Variants in SYT1 observed in about 807,000 individuals in gnomAD.
The protein encoded by SYT1 is synaptotagmin-1.
Under a neutral mutation model 44.8 loss-of-function variants are expected in SYT1, and 8 were observed. The observed-to-expected ratio is 0.18, with a 90% CI of 0.10 to 0.32. SYT1 has a LOEUF of 0.32. SYT1 is among the 10% of genes least tolerant of loss of function. The pLI, the probability that SYT1 is intolerant of heterozygous loss-of-function variation, is 1.00. For missense variants in SYT1, 286 were observed against 509.3 expected (o/e 0.56, Z 4.22); for synonymous variants, 154 against 188.8 (o/e 0.82, Z 1.51).
At chr12:79,275,070 A>T (rs190179303) in intron 4 of SYT1, among the ~76,000 whole-genome samples, 35 of 152,220 alleles carry the variant, frequency 2.3e-4, no homozygotes, top group African/African-American at 7.5e-4. Flanking sequence ...TTCTGACCCT[A>T]AGGGACTGCC....
At chr12:79,063,416 A>G (rs1386525512) in intron 3 of SYT1, among the ~76,000 whole-genome samples, 1 of 152,148 alleles carries the variant, frequency 6.6e-6, no homozygotes, top group Admixed American at 6.6e-5. Context: ...CCTGAAAACT[A>G]TGTAGGAAAT....
chr12:79,394,229 G>T (rs978647986), intron 9 of SYT1, among the ~76,000 whole-genome samples: 3 of 152,184 alleles, frequency 2.0e-5, no homozygotes, highest in Admixed American at 6.5e-5. Context: ...TAAATGCTAG[G>T]GGTATGTAGC....
intron 3 of SYT1, among the ~76,000 whole-genome samples, chr12:79,185,662 T>C (rs1872761265): frequency 6.6e-6 from 1 of 152,066 alleles, no homozygotes; most frequent in Non-Finnish European, 1.5e-5. Flanking sequence ...AGCTAACTAC[T>C]AGCAGTATGG....
At chr12:79,351,108 T>A (rs1882880256) in intron 8 of SYT1, among the ~76,000 whole-genome samples, 1 of 152,150 alleles carries the variant, frequency 6.6e-6, no homozygotes, top group African/African-American at 2.4e-5. Flanking sequence ...AAAAGCACTT[T>A]TCCATATTTT....
intron 1 of SYT1, among the ~76,000 whole-genome samples, chr12:78,934,983 A>G (rs1014470731): frequency 3.9e-5 from 6 of 152,236 alleles, no homozygotes; most frequent in Non-Finnish European, 8.8e-5. Context: ...CTCGTGCTCC[A>G]CGGAAATCAT....
At chr12:78,923,468 G>C (rs1168082832) in intron 1 of SYT1, among the ~76,000 whole-genome samples, 3 of 151,798 alleles carry the variant, frequency 2.0e-5, no homozygotes, top group Admixed American at 1.3e-4. Context: ...TTTACATCTT[G>C]GCTGTGGAGC....
chr12:79,424,221 G>A (rs897468113), intron 9 of SYT1, among the ~76,000 whole-genome samples: 3 of 151,950 alleles, frequency 2.0e-5, no homozygotes, highest in Non-Finnish European at 4.4e-5. Context: ...CTTGAAAGCT[G>A]GTTACCGTGG....
chr12:79,349,035 A>AAAGAAAGAAAGAAAGAAAG (rs1565919879), intron 8 of SYT1, among the ~76,000 whole-genome samples: 26 of 113,292 alleles, frequency 2.3e-4, no homozygotes, highest in East Asian at 8.6e-4. Context: ...AAGAAAGAAA[A>AAAGAAAGAAAGAAAGAAAG]AGAAAGAAAG....
intron 3 of SYT1, among the ~76,000 whole-genome samples, chr12:79,138,922 T>C (rs1406033853): frequency 6.6e-6 from 1 of 152,124 alleles, no homozygotes; most frequent in Non-Finnish European, 1.5e-5. Flanking sequence ...GAAATAAAAA[T>C]TTAGGCAGTA....
At chr12:79,012,042 G>C (rs1041692183) in intron 2 of SYT1, among the ~76,000 whole-genome samples, 1 of 149,516 alleles carries the variant, frequency 6.7e-6, no homozygotes, top group Non-Finnish European at 1.5e-5. Context: ...TGAGGCAGGA[G>C]AATTGCTTGA....
At chr12:78,889,570 T>G (rs897912783) in intron 1 of SYT1, among the ~76,000 whole-genome samples, 1 of 151,932 alleles carries the variant, frequency 6.6e-6, no homozygotes, top group South Asian at 2.1e-4. Context: ...ACTTCTATCC[T>G]GTGTGGGAAA....
Position 79,284,837 on chromosome 12 carries a change from C to CAA in SYT1, c.167-935_167-934dup, listed in dbSNP as rs36090267. Among the ~76,000 whole-genome samples, 601 of 117,870 alleles carry CAA rather than the reference C, an allele frequency of 5.1e-3. 1 individual carries two copies. The highest frequency in any genetic ancestry group is 0.018 in the African/African-American group (561 of 31,126). The allele number at this position is 117,870 out of a possible 152,430, so 77.3% of individuals were successfully genotyped here. On this transcript the variant is annotated intron_variant, in intron 4 of 10. Transcript: ENST00000261205. ...CTGGCAAGAGAGCGAGACTCCATCT[C>CAA]AAAAAAAAAAAAAAAAGAATTGATA...
Position 79,451,652 on chromosome 12 carries a change from C to T in SYT1, c.*2528C>T, listed in dbSNP as rs1271040214. 1 of 152,186 alleles carries T rather than the reference C, an allele frequency of 6.6e-6. No individual in the cohort carries two copies. Among genetic ancestry groups the T allele is most frequent in the Non-Finnish European group, 1.5e-5 (1 of 68,040 alleles). 9.4% of individuals were successfully genotyped at this position (152,186 alleles called of 1,614,324 possible). A position where few individuals can be genotyped will look rare whatever the true frequency, so the allele number is the denominator to read the frequency against. ...TCAGTGATGGAACCTGCTTTATGACCAAGATTCATCCTCAAATAAGCCACA... is the reference window on the plus strand; with the variant it reads ...TCAGTGATGGAACCTGCTTTATGACTAAGATTCATCCTCAAATAAGCCACA... On this transcript the variant is annotated 3_prime_UTR_variant, in exon 11 of 11. Coordinates refer to ENST00000261205, the MANE Select transcript of SYT1 (RefSeq NM_005639.3).
intron 3 of SYT1, among the ~76,000 whole-genome samples, chr12:79,125,207 G>A (rs1868364119): frequency 6.6e-6 from 1 of 152,094 alleles, no homozygotes; most frequent in Non-Finnish European, 1.5e-5. Flanking sequence ...AGAATGGGTA[G>A]AATCCATTAA....
chr12:78,881,494 G>A (rs1170006158), intron 1 of SYT1, among the ~76,000 whole-genome samples: 2 of 151,612 alleles, frequency 1.3e-5, no homozygotes, highest in Non-Finnish European at 3.0e-5. Context: ...GGAATGTCTG[G>A]CACATAACAG....
chr12:79,423,352 A>G (rs1203241984), intron 9 of SYT1, among the ~76,000 whole-genome samples: 5 of 152,088 alleles, frequency 3.3e-5, no homozygotes, highest in Non-Finnish European at 7.4e-5. Context: ...GAGAAAGAGA[A>G]AGAGAGAGAC....
At chr12:79,186,871 T>C (rs1247870632) in intron 3 of SYT1, among the ~76,000 whole-genome samples, 1 of 152,084 alleles carries the variant, frequency 6.6e-6, no homozygotes, top group Non-Finnish European at 1.5e-5. Flanking sequence ...TTAATTATAC[T>C]TAGCAGGCAC....
chr12:79,344,683 C>T (rs1279224345), intron 8 of SYT1, among the ~76,000 whole-genome samples: 1 of 152,088 alleles, frequency 6.6e-6, no homozygotes, highest in Non-Finnish European at 1.5e-5. Context: ...TCTCAAACTC[C>T]TGGGCTCAAG....
At chr12:79,357,113 A>T (rs1481057861) in intron 9 of SYT1, among the ~76,000 whole-genome samples, 6 of 152,192 alleles carry the variant, frequency 3.9e-5, no homozygotes, top group Admixed American at 3.9e-4. Context: ...TAATTTTCTT[A>T]TTGCTCTCCA....
Sources: gnomAD v4.1 joint callset for allele counts (sites outside exome capture counted in the v4.1 genomes callset) on GRCh38, gnomAD v4.1.1 for gene constraint, MANE v1.5 for transcripts, NCBI Gene and HGNC (gene_info 2026-07-23, HGNC 2026-07-21) for gene names.